Variants in SGSM2 observed in about 807,000 individuals in gnomAD.
SGSM2 encodes the protein small G protein signaling modulator 2.
In SGSM2, 89 loss-of-function variants were observed where a neutral mutation model predicts 126.6. The ratio of observed to expected loss-of-function variants is 0.70; its 90% CI spans 0.59 to 0.84. The LOEUF is 0.84. SGSM2 is among the 40% of genes least tolerant of loss of function. The probability of loss-of-function intolerance (pLI) is 0.00; values close to 1 mark genes in which losing one functional copy is unlikely to be tolerated. For synonymous variants in SGSM2, 614 were observed against 574.3 expected (o/e 1.07, Z -0.99); for missense variants, 1,404 against 1,416.6 (o/e 0.99, Z 0.14).
intron 1 of SGSM2, among the ~76,000 whole-genome samples, chr17:2,340,666 G>A (rs921544447): frequency 1.3e-5 from 2 of 151,104 alleles, no homozygotes; most frequent in Admixed American, 6.6e-5. Context: ...CTCACTGCAA[G>A]CTCCGCCTCC....
In SGSM2 at chr17:2,337,667, C is replaced by T. The variant is rs780043909; in HGVS notation, c.-22C>T. 8 of 1,452,932 alleles carry T rather than the reference C, an allele frequency of 5.5e-6. No homozygotes were observed. In the African/African-American group the frequency reaches 5.9e-5, roughly 11 times the overall value. 90.0% of individuals were successfully genotyped at this position (1,452,932 alleles called of 1,614,324 possible). ...GGGCGCGGGGGCTCTGAGGACCGCTCGGCGCCGCCTCCTGCCACACCATGG... is the reference window on the plus strand; with the variant it reads ...GGGCGCGGGGGCTCTGAGGACCGCTTGGCGCCGCCTCCTGCCACACCATGG... On this transcript the variant is annotated 5_prime_UTR_variant, in exon 1 of 24. Coordinates refer to ENST00000268989, the MANE Select transcript of SGSM2 (RefSeq NM_014853.3). This position sits in a 1 kb window ranked among gnomAD's most constrained non-coding sequence, Gnocchi z 5.1.
chr17:2,369,166 C>T (rs2065740816), intron 12 of SGSM2, among the ~76,000 whole-genome samples: 1 of 152,198 alleles, frequency 6.6e-6, no homozygotes, highest in Non-Finnish European at 1.5e-5. Flanking sequence ...GGGGGCCCCC[C>T]ACCTCCACTC....
rs4790334 is a variant in SGSM2, at chr17:2,372,847, G to C, written c.1789-106G>C. 2 of 1,442,870 alleles carry C rather than the reference G, an allele frequency of 1.4e-6. No individual in the cohort carries two copies. The highest frequency in any genetic ancestry group is 1.8e-6 in the Non-Finnish European group (2 of 1,082,502). The allele number at this position is 1,442,870 out of a possible 1,614,324, so 89.4% of individuals were successfully genotyped here. A position where few individuals can be genotyped will look rare whatever the true frequency, so the allele number is the denominator to read the frequency against. On this transcript the variant is annotated intron_variant, in intron 15 of 23. Transcript: ENST00000268989. This position sits in a 1 kb window ranked among gnomAD's most constrained non-coding sequence, Gnocchi z 6.0. ...AGCAGGCCTTGCCTGGGCTTCAGCAGTCACTACAGGCCCCGCCCCAGCCCA... is the reference window on the plus strand; with the variant it reads ...AGCAGGCCTTGCCTGGGCTTCAGCACTCACTACAGGCCCCGCCCCAGCCCA...
At chr17:2,358,248 T>A (rs1035831017) in intron 2 of SGSM2, among the ~76,000 whole-genome samples, 1 of 151,950 alleles carries the variant, frequency 6.6e-6, no homozygotes, top group Non-Finnish European at 1.5e-5. Flanking sequence ...TGGGGAAGGG[T>A]CCTTCACCGT....
Position 2,375,600 on chromosome 17 carries a change from G to A in SGSM2, c.2209G>A (p.Val737Met). Residue 737 changes from valine to methionine, a missense_variant, in exon 18 of 24, where the codon GTG becomes ATG. Val to Met is a conservative substitution (Grantham distance 21, BLOSUM62 1). Transcript: ENST00000268989. ...ACCCGGGACTCCGGGCACCGCCGTGGTGGAGCAGCAGCATTCCGTGGAGTT... is the reference window on the plus strand; with the variant it reads ...ACCCGGGACTCCGGGCACCGCCGTGATGGAGCAGCAGCATTCCGTGGAGTT... ...AGPGTPGTAVVEQQHSVEFDS... is the reference protein window; with the variant it reads ...AGPGTPGTAVMEQQHSVEFDS... 2 of 1,614,038 alleles carry A rather than the reference G, an allele frequency of 1.2e-6. No individual in the cohort carries two copies. The highest frequency in any genetic ancestry group is 1.7e-6 in the Non-Finnish European group (2 of 1,180,034).
chr17:2,364,898 G>A lies in SGSM2; in HGVS notation c.1002G>A (p.Lys334=), dbSNP rs1567827364. The change falls in exon 10 of 24, where the codon AAG becomes AAA. Residue 334 remains lysine, a splice_region_variant and synonymous_variant. Transcript: ENST00000268989. ...QVVCIHCHQQ[K]SGGTLVLVSQ... is the part of the protein sequence containing the mutation. ...CGCACTCTCCACGTTCACCCCCAGAGAGCGGTGGCACGCTTGTGCTGGTGA... is the reference window on the plus strand; with the variant it reads ...CGCACTCTCCACGTTCACCCCCAGAAAGCGGTGGCACGCTTGTGCTGGTGA... 1 of 1,609,010 alleles carries A rather than the reference G, an allele frequency of 6.2e-7. No homozygotes were observed. The highest frequency in any genetic ancestry group is 8.5e-7 in the Non-Finnish European group (1 of 1,179,932).
At chr17:2,374,837 T>C (rs921457199) in intron 17 of SGSM2, among the ~76,000 whole-genome samples, 1 of 152,124 alleles carries the variant, frequency 6.6e-6, no homozygotes, top group Non-Finnish European at 1.5e-5. Context: ...ACTTTTAGCA[T>C]TGCTTTCCCT....
rs2151654896 is a variant in SGSM2, at chr17:2,380,520, G to A, written c.*1000G>A. 1.7e-6 allele frequency: 1 copy of A among 597,670 alleles called. No homozygotes were observed. Among genetic ancestry groups the A allele is most frequent in the African/African-American group, 1.9e-5 (1 of 53,940 alleles). 37.0% of individuals were successfully genotyped at this position (597,670 alleles called of 1,614,324 possible). A position where few individuals can be genotyped will look rare whatever the true frequency, so the allele number is the denominator to read the frequency against. On this transcript the variant is annotated 3_prime_UTR_variant, in exon 24 of 24. Transcript: ENST00000268989. Reference sequence around the variant, plus strand: ...CTGTCCCTGGTGAGAAGCAAGGCTAGCTCTGCCTTCCACATGCTTCTCAGG... The same window carrying A: ...CTGTCCCTGGTGAGAAGCAAGGCTAACTCTGCCTTCCACATGCTTCTCAGG...
Position 2,337,776 on chromosome 17 carries a change from C to A in SGSM2, c.57+31C>A. 1 of 1,492,572 alleles carries A rather than the reference C, an allele frequency of 6.7e-7. No homozygotes were observed. Among genetic ancestry groups the A allele is most frequent in the Non-Finnish European group, 9.0e-7 (1 of 1,112,676 alleles). 92.5% of individuals were successfully genotyped at this position (1,492,572 alleles called of 1,614,324 possible). A position where few individuals can be genotyped will look rare whatever the true frequency, so the allele number is the denominator to read the frequency against. On this transcript the variant is annotated intron_variant, in intron 1 of 23. Coordinates refer to ENST00000268989, the MANE Select transcript of SGSM2 (RefSeq NM_014853.3). The surrounding 1 kb of genome is among the most constrained non-coding windows in gnomAD (Gnocchi z 5.1). ...GTCGAGTCAAGAACCCCGGGGGGCTCGCGCCCTGGCCCGCGCGGCCCAGGG... is the reference window on the plus strand; with the variant it reads ...GTCGAGTCAAGAACCCCGGGGGGCTAGCGCCCTGGCCCGCGCGGCCCAGGG...
In SGSM2 at chr17:2,376,773, A is replaced by G; in HGVS notation, c.2650A>G (p.Met884Val). ...CCTGGACGTGGGCTATGTGCAGGGC[A>G]TGTGCGATCTGCTGGCGCCTCTCCT... ...EHLDVGYVQGMCDLLAPLLVT... is the reference protein window; with the variant it reads ...EHLDVGYVQGVCDLLAPLLVT... Residue 884 changes from methionine to valine, a missense_variant, in exon 20 of 24, where the codon ATG becomes GTG. Transcript: ENST00000268989. The G allele has an allele frequency of 1.2e-6, 2 of 1,614,084 alleles. No homozygotes were observed. Among genetic ancestry groups the G allele is most frequent in the Non-Finnish European group, 1.7e-6 (2 of 1,180,024 alleles).
Position 2,373,065 on chromosome 17 carries a change from A to C in SGSM2, c.1901A>C (p.Lys634Thr), listed in dbSNP as rs1294765541. The C allele has an allele frequency of 2.2e-5, 35 of 1,610,120 alleles. No homozygotes were observed. Among genetic ancestry groups the C allele is most frequent in the Non-Finnish European group, 3.0e-5 (35 of 1,179,004 alleles). Reference protein sequence around the residue: ...LLGHYKFGMSKKEMEQVDAVV... With the variant: ...LLGHYKFGMSTKEMEQVDAVV... ...GGCCACTACAAGTTCGGCATGAGCA[A>C]GAAGGAGATGGAGCAGGTGAGGGGA... The change falls in exon 16 of 24, where the codon AAG becomes ACG. Residue 634 changes from lysine to threonine, a missense_variant. Transcript: ENST00000268989.
In SGSM2 at chr17:2,365,342, G is replaced by A; in HGVS notation, c.1288+1G>A. On this transcript the variant is annotated splice_donor_variant, in intron 11 of 23. Coordinates refer to ENST00000268989, the MANE Select transcript of SGSM2 (RefSeq NM_014853.3). LOFTEE classifies it high-confidence loss of function. ...TACCCCGGCCACAGGCACGAGCACA[G>A]TGAGTGTCCCGAGCTTCATCCCGGG... 6.5e-7 allele frequency: 1 copy of A among 1,547,642 alleles called. No homozygotes were observed. The highest frequency in any genetic ancestry group is 2.0e-5 in the Admixed American group (1 of 51,150).
Position 2,372,710 on chromosome 17 carries a change from G to A in SGSM2, c.1788+222G>A. On this transcript the variant is annotated intron_variant, in intron 15 of 23. Transcript: ENST00000268989. The surrounding 1 kb of genome is among the most constrained non-coding windows in gnomAD (Gnocchi z 6.0). ...TGCCTCCACATCGCCCTGTGACCCT[G>A]GACAAAGCTTTGCCTCTCTCCGGGC... 1.2e-6 allele frequency: 1 copy of A among 810,578 alleles called. No homozygotes were observed. The highest frequency in any genetic ancestry group is 2.7e-5 in the East Asian group (1 of 36,860). 50.2% of individuals were successfully genotyped at this position (810,578 alleles called of 1,614,324 possible).
intron 21 of SGSM2, 57 bp from the exon 22 acceptor site, chr17:2,377,800 G>A: frequency 8.5e-7 from 1 of 1,172,812 alleles, no homozygotes; most frequent in Non-Finnish European, 1.3e-6. Context: ...GTGAGTGGCG[G>A]CCAGAGGCAG....
chr17:2,365,402 G>A lies in SGSM2; in HGVS notation c.1288+61G>A, dbSNP rs76129684. 2.6e-3 allele frequency: 3,775 copies of A among 1,474,736 alleles called. 86 individuals are homozygous for A. In the African/African-American group the frequency reaches 0.048, roughly 19 times the overall value. The allele number at this position is 1,474,736 out of a possible 1,614,324, so 91.4% of individuals were successfully genotyped here. ...GAAGACGCTCTGGGAGGCGGGGAGC[G>A]CAGCGTCACCCAGGAGGGCAGCAGG... On this transcript the variant is annotated intron_variant, in intron 11 of 23. Transcript: ENST00000268989.
At chr17:2,349,158 C>G (rs929310869) in intron 2 of SGSM2, among the ~76,000 whole-genome samples, 4 of 151,924 alleles carry the variant, frequency 2.6e-5, no homozygotes, top group East Asian at 2.0e-4. Context: ...GGTGGATCAC[C>G]TGAGGTCAGG....
chr17:2,378,296 C>G (rs909067858), intron 22 of SGSM2, among the ~76,000 whole-genome samples: 1 of 152,066 alleles, frequency 6.6e-6, no homozygotes, highest in African/African-American at 2.4e-5. Flanking sequence ...AAAAATGAGG[C>G]TGGGTGCGGT....
At chr17:2,349,052 C>CCG (rs1160071129) in intron 2 of SGSM2, among the ~76,000 whole-genome samples, 2 of 151,800 alleles carry the variant, frequency 1.3e-5, no homozygotes, top group African/African-American at 4.8e-5. Flanking sequence ...GCATGAGCCA[C>CCG]CACCCCACCC....
chr17:2,338,597 C>G (rs2064195451), intron 1 of SGSM2, among the ~76,000 whole-genome samples: 1 of 151,988 alleles, frequency 6.6e-6, no homozygotes, highest in African/African-American at 2.4e-5. Flanking sequence ...GCAGGAGACC[C>G]TCTGTTTTGT....
Sources: allele counts gnomAD v4.1 joint callset (sites outside exome capture counted in the v4.1 genomes callset), GRCh38; gene constraint gnomAD v4.1.1; non-coding constraint Gnocchi (gnomAD v3.1); transcripts MANE v1.5; gene names NCBI Gene and HGNC (gene_info 2026-07-23, HGNC 2026-07-21).